PEX13: variants seen among roughly 807,000 people sequenced by gnomAD.
The protein encoded by PEX13 is peroxisome biogenesis factor 13.
In PEX13, 28 loss-of-function variants were observed where a neutral mutation model predicts 34.5. The ratio of observed to expected loss-of-function variants is 0.81; its 90% CI spans 0.60 to 1.11. The LOEUF (loss-of-function observed/expected upper bound fraction) is 1.11, where lower values mean the gene tolerates loss of function less well. PEX13 is among the 50% of genes most tolerant of loss of function. The pLI, the probability that PEX13 is intolerant of heterozygous loss-of-function variation, is 0.00. For synonymous variants in PEX13, 177 were observed against 175.1 expected (o/e 1.01, Z -0.09); for missense variants, 550 against 491.0 (o/e 1.12, Z -1.13).
intron 2 of PEX13, among the ~76,000 whole-genome samples, chr2:61,038,948 C>A (rs1231593251): frequency 6.6e-6 from 1 of 152,126 alleles, no homozygotes; most frequent in African/African-American, 2.4e-5. Flanking sequence ...CACAAGCATT[C>A]CTATACACCA....
intron 2 of PEX13, among the ~76,000 whole-genome samples, chr2:61,034,383 C>G (rs1379568455): frequency 6.6e-6 from 1 of 152,222 alleles, no homozygotes; most frequent in Non-Finnish European, 1.5e-5. Flanking sequence ...CAGCTCCCAG[C>G]AAGATCGACG....
At chr2:61,036,787 C>T (rs1332479909) in intron 2 of PEX13, among the ~76,000 whole-genome samples, 9 of 152,078 alleles carry the variant, frequency 5.9e-5, no homozygotes, top group African/African-American at 9.7e-5. Context: ...CAATGTTAAC[C>T]TTAAATGTAA....
intron 2 of PEX13, among the ~76,000 whole-genome samples, chr2:61,036,722 G>A (rs867770857): frequency 2.2e-4 from 33 of 152,068 alleles, no homozygotes; most frequent in African/African-American, 3.9e-4. Flanking sequence ...ATCAATTAAC[G>A]GGCAAAATAA....
At chr2:61,047,085 G>A (rs1016229526) in intron 3 of PEX13, among the ~76,000 whole-genome samples, 7 of 151,434 alleles carry the variant, frequency 4.6e-5, no homozygotes, top group South Asian at 4.2e-4. Context: ...CCTGGGCAAC[G>A]TAGTGTAACC....
intron 1 of PEX13, 197 bp downstream of exon 1, chr2:61,018,048 C>T: frequency 6.9e-7 from 1 of 1,459,108 alleles, no homozygotes; most frequent in Non-Finnish European, 9.1e-7. Context: ...TCTGACCCGG[C>T]AGCTCTAATC....
chr2:61,036,489 G>T (rs759271490), intron 2 of PEX13, among the ~76,000 whole-genome samples: 37 of 152,206 alleles, frequency 2.4e-4, no homozygotes, highest in Non-Finnish European at 4.3e-4. Context: ...ATTCTTAAAA[G>T]AATTTTCAAC....
rs1680752154 is a variant in PEX13 at position 61,048,803 on chromosome 2, C to T, written c.*33C>T. On this transcript the variant is annotated 3_prime_UTR_variant, in exon 4 of 4. Transcript: ENST00000295030. The stretch of plus-strand genomic sequence containing the variant: ...CATGTTTGCCTGCAGTTGAACAATA[C>T]TTTAGAGTACTTTTTAAAATTATTT... 1.1e-5 allele frequency: 17 copies of T among 1,489,714 alleles called. No homozygotes were observed. Among genetic ancestry groups the T allele is most frequent in the Non-Finnish European group, 1.6e-5 (17 of 1,068,224 alleles). 92.3% of individuals were successfully genotyped at this position (1,489,714 alleles called of 1,614,324 possible).
At position 61,032,054 on chromosome 2, in the gene PEX13, T is replaced by C. The variant is rs556183165; in HGVS notation, c.728T>C (p.Ile243Thr). ...SWPIFLFFAVILGGPYLIWKL... is the reference protein window; with the variant it reads ...SWPIFLFFAVTLGGPYLIWKL... Reference sequence around the variant, plus strand: ...CCAATATTCTTGTTCTTTGCTGTTATCCTTGGTGGTCCTTACCTCATTTGG... The same window carrying C: ...CCAATATTCTTGTTCTTTGCTGTTACCCTTGGTGGTCCTTACCTCATTTGG... The change falls in exon 2 of 4, where the codon ATC (isoleucine) becomes ACC (threonine). Residue 243 changes from isoleucine (I) to threonine (T), a missense_variant. Coordinates refer to ENST00000295030, the MANE Select transcript of PEX13 (RefSeq NM_002618.4). 1.2e-6 allele frequency: 2 copies of C among 1,613,584 alleles called. No individual in the cohort carries two copies. Among genetic ancestry groups the C allele is most frequent in the East Asian group, 4.5e-5 (2 of 44,884 alleles).
intron 1 of PEX13, among the ~76,000 whole-genome samples, chr2:61,030,312 A>G (rs576859252): frequency 6.6e-6 from 1 of 152,334 alleles, no homozygotes; most frequent in Admixed American, 6.5e-5. Context: ...ACAAACGTAC[A>G]TCAGGTAAAA....
Position 61,050,526 on chromosome 2 carries a change from A to C in PEX13, c.*1756A>C, listed in dbSNP as rs897020694. The C allele has an allele frequency of 1.3e-5, 2 of 152,408 alleles. No individual in the cohort carries two copies. Among genetic ancestry groups the C allele is most frequent in the Admixed American group, 6.5e-5 (1 of 15,282 alleles). The allele number at this position is 152,408 out of a possible 1,614,324, so 9.4% of individuals were successfully genotyped here. A position where few individuals can be genotyped will look rare whatever the true frequency, so the allele number is the denominator to read the frequency against. The stretch of plus-strand genomic sequence containing the variant: ...ATACTTGGCTACGAACATACTACAG[A>C]GTAATACTATCAGGAATACAGGTGT... On this transcript the variant is annotated 3_prime_UTR_variant, in exon 4 of 4. Coordinates refer to ENST00000295030, the MANE Select transcript of PEX13 (RefSeq NM_002618.4).
chr2:61,017,946 T>C, intron 1 of PEX13, 95 bp downstream of exon 1: 3 of 1,390,322 alleles, frequency 2.2e-6, no homozygotes, highest in Admixed American at 2.0e-5. Context: ...GGTATTCCCT[T>C]CCCCCCTTTA....
intron 2 of PEX13, among the ~76,000 whole-genome samples, chr2:61,034,794 A>G (rs943610537): frequency 5.3e-5 from 8 of 152,326 alleles, no homozygotes; most frequent in African/African-American, 9.6e-5. Flanking sequence ...AGTAGCTCAC[A>G]GTGTAAACAA....
At chr2:61,039,944 C>T (rs1416255992) in intron 2 of PEX13, among the ~76,000 whole-genome samples, 1 of 152,178 alleles carries the variant, frequency 6.6e-6, no homozygotes, top group African/African-American at 2.4e-5. Flanking sequence ...TGAACAGATA[C>T]TTCTCAAAAG....
intron 2 of PEX13, among the ~76,000 whole-genome samples, chr2:61,039,981 A>T (rs1290160103): frequency 6.6e-6 from 1 of 152,188 alleles, no homozygotes; most frequent in Admixed American, 6.6e-5. Flanking sequence ...CAACAAACAT[A>T]TGAAAAAATG....
chr2:61,026,299 TA>T (rs1352777878), intron 1 of PEX13, among the ~76,000 whole-genome samples: 1 of 151,682 alleles, frequency 6.6e-6, no homozygotes, highest in African/African-American at 2.4e-5. Context: ...TCTTGACCGG[TA>T]GTTGAAAAAC....
At position 61,048,863 on chromosome 2, in the gene PEX13, C is replaced by G. The variant is rs1252505129; in HGVS notation, c.*93C>G. The G allele has an allele frequency of 4.6e-6, 5 of 1,077,832 alleles. No individual in the cohort carries two copies. Among genetic ancestry groups the G allele is most frequent in the Non-Finnish European group, 5.6e-6 (4 of 716,112 alleles). The allele number at this position is 1,077,832 out of a possible 1,614,324, so 66.8% of individuals were successfully genotyped here. A position where few individuals can be genotyped will look rare whatever the true frequency, so the allele number is the denominator to read the frequency against. On this transcript the variant is annotated 3_prime_UTR_variant, in exon 4 of 4. Transcript: ENST00000295030. Reference sequence around the variant, plus strand: ...AAATGAATGTACAATCCAATGAAAACATTTGTTATTGGCTATTTCAGGTGT... The same window carrying G: ...AAATGAATGTACAATCCAATGAAAAGATTTGTTATTGGCTATTTCAGGTGT...
rs146108177 is a variant in PEX13, at chr2:61,051,006, A to G, written c.*2236A>G. ...ATTAAAACATACAGGAACCAAGTAC[A>G]TACCCAGCATAGAAGAACTTTACTA... On this transcript the variant is annotated 3_prime_UTR_variant, in exon 4 of 4. Coordinates refer to ENST00000295030, the MANE Select transcript of PEX13 (RefSeq NM_002618.4). 1 of 152,512 alleles carries G rather than the reference A, an allele frequency of 6.6e-6. No homozygotes were observed. Among genetic ancestry groups the G allele is most frequent in the African/African-American group, 2.4e-5 (1 of 41,590 alleles). The allele number at this position is 152,512 out of a possible 1,614,324, so 9.4% of individuals were successfully genotyped here.
intron 1 of PEX13, among the ~76,000 whole-genome samples, chr2:61,023,829 C>T (rs1468752308): frequency 6.7e-6 from 1 of 149,520 alleles, no homozygotes; most frequent in Non-Finnish European, 1.5e-5. Context: ...ATAAGTTTCA[C>T]TCTGTCACCA....
At chr2:61,024,141 A>G (rs1289985223) in intron 1 of PEX13, among the ~76,000 whole-genome samples, 1 of 150,864 alleles carries the variant, frequency 6.6e-6, no homozygotes, top group Non-Finnish European at 1.5e-5. Context: ...ATCTTACCCC[A>G]CCCCTGATCT....
Sources: gnomAD v4.1 joint callset for allele counts (sites outside exome capture counted in the v4.1 genomes callset) on GRCh38, gnomAD v4.1.1 for gene constraint, MANE v1.5 for transcripts, NCBI Gene and HGNC (gene_info 2026-07-23, HGNC 2026-07-21) for gene names.